Variants in CSMD1 observed in about 807,000 individuals in gnomAD.
CSMD1 encodes CUB and sushi domain-containing protein 1.
In CSMD1, 213 loss-of-function variants were observed where a neutral mutation model predicts 417.5. The ratio of observed to expected loss-of-function variants is 0.51; its 90% CI spans 0.46 to 0.57. The LOEUF is 0.57. CSMD1 is among the 20% of genes least tolerant of loss of function. The pLI is 0.00. For synonymous variants in CSMD1, 2,862 were observed against 1,736.8 expected (o/e 1.65, Z -16.11); for missense variants, 6,923 against 4,529.7 (o/e 1.53, Z -15.17).
At chr8:3,470,957 G>C (rs1272424482) in intron 11 of CSMD1, among the ~76,000 whole-genome samples, 2 of 152,134 alleles carry the variant, frequency 1.3e-5, no homozygotes, top group Non-Finnish European at 2.9e-5. Flanking sequence ...AGTTTTGGCA[G>C]ATGACACCTA....
At chr8:3,210,525 G>C (rs140904662) in intron 30 of CSMD1, among the ~76,000 whole-genome samples, 3,113 of 40,796 alleles carry the variant, frequency 0.076, 112 homozygotes, top group African/African-American at 0.29. Flanking sequence ...AGGAATATAT[G>C]TGAATATATA....
chr8:4,178,101 A>G (rs948514641), intron 3 of CSMD1, among the ~76,000 whole-genome samples: 2 of 152,194 alleles, frequency 1.3e-5, no homozygotes, highest in Non-Finnish European at 2.9e-5. Context: ...TCATCCTGAT[A>G]CCAAAGCCTG....
In CSMD1 at chr8:3,621,446, G is replaced by C. The variant is rs888007397; in HGVS notation, c.1010-4649C>G. On this transcript the variant is annotated intron_variant, in intron 7 of 69. Transcript: ENST00000635120. ...TGCCAGGGGCTGGGGCAAAGGGAAA[G>C]AGAAGAAGGAATATAAGGTGTTATT... Among the ~76,000 whole-genome samples the C allele has an allele frequency of 4.6e-5, 7 of 152,248 alleles. No homozygotes were observed. The South Asian group carries it at 8.3e-4, about 18-fold the overall frequency.
intron 10 of CSMD1, among the ~76,000 whole-genome samples, chr8:3,513,555 C>T (rs1797166292): frequency 6.6e-6 from 1 of 152,138 alleles, no homozygotes; most frequent in South Asian, 2.1e-4. Flanking sequence ...CCTGTTAGTT[C>T]TGTCCTTTGG....
At chr8:4,847,019 A>G (rs11136782) in intron 1 of CSMD1, among the ~76,000 whole-genome samples, 23,415 of 152,066 alleles carry the variant, frequency 0.15, 2,228 homozygotes, top group East Asian at 0.27. Flanking sequence ...TAGAAGAAAC[A>G]ACTTGTGTTT....
intron 6 of CSMD1, among the ~76,000 whole-genome samples, chr8:3,740,665 C>T (rs908491371): frequency 1.3e-5 from 2 of 152,012 alleles, no homozygotes; most frequent in African/African-American, 2.4e-5. Context: ...GTAGATTTTA[C>T]GAGATGTATT....
intron 50 of CSMD1, among the ~76,000 whole-genome samples, chr8:3,049,287 G>A (rs992301662): frequency 6.6e-6 from 1 of 152,144 alleles, no homozygotes; most frequent in Non-Finnish European, 1.5e-5. Flanking sequence ...GCACACAGAT[G>A]TTTATAGCAG....
chr8:4,018,577 C>G (rs1796632983), intron 4 of CSMD1, among the ~76,000 whole-genome samples: 1 of 152,210 alleles, frequency 6.6e-6, no homozygotes, highest in Non-Finnish European at 1.5e-5. Flanking sequence ...AGAGCCTCTC[C>G]AGGCAACCAG....
intron 7 of CSMD1, among the ~76,000 whole-genome samples, chr8:3,696,700 T>C (rs1239220992): frequency 1.3e-5 from 2 of 152,140 alleles, no homozygotes; most frequent in Admixed American, 6.5e-5. Context: ...GTAAGGGAAG[T>C]CCAATTGTCC....
chr8:3,449,908 G>A (rs1815577601), intron 12 of CSMD1, among the ~76,000 whole-genome samples: 1 of 152,110 alleles, frequency 6.6e-6, no homozygotes, highest in African/African-American at 2.4e-5. Flanking sequence ...TAAACATTAG[G>A]ACATTTAAGA....
At chr8:4,250,556 G>T (rs918314432) in intron 3 of CSMD1, among the ~76,000 whole-genome samples, 1 of 152,104 alleles carries the variant, frequency 6.6e-6, no homozygotes, top group Admixed American at 6.5e-5. Flanking sequence ...AGTTTAGAAT[G>T]GAAAGCTAAT....
chr8:3,440,926 A>G (rs1814940288), intron 12 of CSMD1, among the ~76,000 whole-genome samples: 1 of 152,212 alleles, frequency 6.6e-6, no homozygotes, highest in Non-Finnish European at 1.5e-5. Flanking sequence ...CCTTGTCCCC[A>G]GACGTGGTGA....
intron 2 of CSMD1, among the ~76,000 whole-genome samples, chr8:4,612,963 A>G (rs1291840836): frequency 1.3e-5 from 2 of 152,172 alleles, no homozygotes; most frequent in Non-Finnish European, 2.9e-5. Context: ...CACAGGGACT[A>G]GAGATATAAC....
intron 5 of CSMD1, among the ~76,000 whole-genome samples, chr8:3,789,002 T>C (rs2129066612): frequency 6.6e-6 from 1 of 152,306 alleles, no homozygotes; most frequent in South Asian, 2.1e-4. Context: ...TTCCACTGTA[T>C]TACACTCTTC....
intron 4 of CSMD1, among the ~76,000 whole-genome samples, chr8:4,008,725 C>G (rs781549624): frequency 1.3e-4 from 20 of 150,218 alleles, no homozygotes; most frequent in East Asian, 8.0e-4. Flanking sequence ...ATTCTCCTGC[C>G]TCAGCCTCCT....
intron 18 of CSMD1, among the ~76,000 whole-genome samples, chr8:3,376,858 T>G (rs562780263): frequency 6.6e-6 from 1 of 152,322 alleles, no homozygotes; most frequent in African/African-American, 2.4e-5. Flanking sequence ...ATGTAACTTT[T>G]GTTGCACGAA....
chr8:4,661,002 T>C (rs1296916451), intron 1 of CSMD1, among the ~76,000 whole-genome samples: 2 of 152,152 alleles, frequency 1.3e-5, no homozygotes, highest in African/African-American at 2.4e-5. Flanking sequence ...AAATGGATCA[T>C]ACATACATTG....
chr8:4,385,452 AGTTTT>A (rs967089839), intron 3 of CSMD1, among the ~76,000 whole-genome samples: 13 of 152,118 alleles, frequency 8.5e-5, no homozygotes, highest in African/African-American at 2.9e-4. Context: ...TTCTTTTCTT[AGTTTT>A]ATTTTTAAAT....
intron 3 of CSMD1, among the ~76,000 whole-genome samples, chr8:4,382,067 G>C (rs550391309): frequency 2.0e-5 from 3 of 152,168 alleles, no homozygotes; most frequent in African/African-American, 4.8e-5. Context: ...GGGACTCTCA[G>C]CCATGACTTT....
Sources: allele counts gnomAD v4.1 joint callset (sites outside exome capture counted in the v4.1 genomes callset), GRCh38; gene constraint gnomAD v4.1.1; transcripts MANE v1.5; gene names NCBI Gene and HGNC (gene_info 2026-07-23, HGNC 2026-07-21).